CRPPA: variants seen among roughly 807,000 people sequenced by gnomAD.
The protein encoded by CRPPA is CDP-L-ribitol pyrophosphorylase A.
In CRPPA, 43 loss-of-function variants were observed where a neutral mutation model predicts 52.0. That is an observed-to-expected ratio of 0.83 (90% CI 0.65 to 1.07). The LOEUF (loss-of-function observed/expected upper bound fraction) is 1.07, where lower values mean the gene tolerates loss of function less well. CRPPA is among the 50% of genes least tolerant of loss of function. The pLI is 0.00. For synonymous variants in CRPPA, 250 were observed against 203.5 expected (o/e 1.23, Z -1.94); for missense variants, 629 against 551.7 (o/e 1.14, Z -1.40).
At chr7:16,281,607 C>G (rs1784321755) in intron 5 of CRPPA, among the ~76,000 whole-genome samples, 1 of 152,150 alleles carries the variant, frequency 6.6e-6, no homozygotes, top group African/African-American at 2.4e-5. Flanking sequence ...AGTAATTATA[C>G]TATTCGCACA....
intron 9 of CRPPA, among the ~76,000 whole-genome samples, chr7:16,191,528 C>T (rs376942738): frequency 6.6e-6 from 1 of 152,068 alleles, no homozygotes; most frequent in African/African-American, 2.4e-5. Context: ...AGAATTGCCT[C>T]GGCACTGTGT....
Position 16,133,303 on chromosome 7 carries a change from T to C in CRPPA, c.1252-41504A>G, listed in dbSNP as rs1381100388. The stretch of plus-strand genomic sequence containing the variant: ...CTGCACTCAACCCTGGGTGACAGAG[T>C]GAGCATCTGTCTCAAAAAAAAAAAA... On this transcript the variant is annotated intron_variant, in intron 9 of 9. Transcript: ENST00000407010. Among the ~76,000 whole-genome samples the C allele has an allele frequency of 7.6e-5, 9 of 119,054 alleles. 1 individual carries two copies. Among genetic ancestry groups the C allele is most frequent in the African/African-American group, 2.4e-4 (9 of 37,028 alleles). 78.1% of individuals were successfully genotyped at this position (119,054 alleles called of 152,430 possible). A position where few individuals can be genotyped will look rare whatever the true frequency, so the allele number is the denominator to read the frequency against.
intron 9 of CRPPA, among the ~76,000 whole-genome samples, chr7:16,151,402 G>A (rs1408372292): frequency 6.6e-6 from 1 of 151,950 alleles, no homozygotes; most frequent in Non-Finnish European, 1.5e-5. Flanking sequence ...GGAAATGTAG[G>A]TTGTGATGAT....
intron 5 of CRPPA, among the ~76,000 whole-genome samples, chr7:16,296,209 T>C (rs200343806): frequency 6.6e-6 from 1 of 152,070 alleles, no homozygotes; most frequent in African/African-American, 2.4e-5. Context: ...AAACATAAGA[T>C]AAAAATCAGA....
intron 9 of CRPPA, among the ~76,000 whole-genome samples, chr7:16,092,547 T>A (rs1433010162): frequency 6.6e-6 from 1 of 152,160 alleles, no homozygotes; most frequent in Non-Finnish European, 1.5e-5. Flanking sequence ...TCCATATACA[T>A]TGAGATAAGG....
At chr7:16,273,830 G>T (rs1784145147) in intron 6 of CRPPA, among the ~76,000 whole-genome samples, 1 of 152,170 alleles carries the variant, frequency 6.6e-6, no homozygotes, top group African/African-American at 2.4e-5. Context: ...CCATGGAGCT[G>T]CATGAAGTTC....
At chr7:16,377,324 A>C (rs1213728187) in intron 2 of CRPPA, among the ~76,000 whole-genome samples, 3 of 152,212 alleles carry the variant, frequency 2.0e-5, no homozygotes, top group African/African-American at 7.2e-5. Flanking sequence ...GGGTAGGTCA[A>C]CTGGTCAAGC....
At chr7:16,188,384 A>G (rs1483018534) in intron 9 of CRPPA, among the ~76,000 whole-genome samples, 2 of 152,216 alleles carry the variant, frequency 1.3e-5, no homozygotes, top group Non-Finnish European at 1.5e-5. Flanking sequence ...ACATAGTTCA[A>G]TGATAAAGAT....
chr7:16,090,733 T>TA lies in CRPPA; in HGVS notation c.*961dup, dbSNP rs2128360824. 6.6e-6 allele frequency: 1 copy of TA among 151,720 alleles called. No individual in the cohort carries two copies. Among genetic ancestry groups the TA allele is most frequent in the Admixed American group, 6.6e-5 (1 of 15,204 alleles). The allele number at this position is 151,720 out of a possible 1,614,324, so 9.4% of individuals were successfully genotyped here. On this transcript the variant is annotated 3_prime_UTR_variant, in exon 10 of 10. Coordinates refer to ENST00000407010, the MANE Select transcript of CRPPA (RefSeq NM_001101426.4). Reference sequence around the variant, plus strand: ...GACTGCATTTCAAAACAATAAAAAATAAAATAAATAGAGTAAGTGTATGTA... The same window carrying TA: ...GACTGCATTTCAAAACAATAAAAAATAAAAATAAATAGAGTAAGTGTATGTA...
chr7:16,298,989 A>G (rs57026722), intron 5 of CRPPA, among the ~76,000 whole-genome samples: 15,154 of 152,178 alleles, frequency 0.1, 902 homozygotes, highest in East Asian at 0.25. Context: ...CCTCCAGCTT[A>G]CAGCTGGCAG....
At chr7:16,198,139 G>A (rs1449113539) in intron 9 of CRPPA, among the ~76,000 whole-genome samples, 1 of 58,356 alleles carries the variant, frequency 1.7e-5, no homozygotes, top group Non-Finnish European at 3.3e-5. Context: ...CCCGACACCC[G>A]TAAAGGGTCT....
chr7:16,146,429 A>G (rs1782975914), intron 9 of CRPPA, among the ~76,000 whole-genome samples: 1 of 152,198 alleles, frequency 6.6e-6, no homozygotes, highest in Non-Finnish European at 1.5e-5. Context: ...ATAAAAACAA[A>G]TGAAAGTATA....
At chr7:16,093,078 C>T (rs144092765) in intron 9 of CRPPA, among the ~76,000 whole-genome samples, 113 of 152,292 alleles carry the variant, frequency 7.4e-4, no homozygotes, top group African/African-American at 2.6e-3. Flanking sequence ...TATGTTTCCA[C>T]AGCTGTGAAT....
intron 9 of CRPPA, chr7:16,209,090 G>C (rs1782047399): frequency 2.7e-6 from 1 of 373,854 alleles, no homozygotes; most frequent in Non-Finnish European, 5.3e-6. Flanking sequence ...GGTGGCTCTG[G>C]TGGGCAGACT....
At chr7:16,130,349 G>A (rs1370037709) in intron 9 of CRPPA, among the ~76,000 whole-genome samples, 1 of 152,196 alleles carries the variant, frequency 6.6e-6, no homozygotes, top group Non-Finnish European at 1.5e-5. Flanking sequence ...GCCACGTCAA[G>A]CTACAAGGCT....
chr7:16,297,046 T>C (rs1784688649), intron 5 of CRPPA, among the ~76,000 whole-genome samples: 1 of 152,206 alleles, frequency 6.6e-6, no homozygotes, highest in Non-Finnish European at 1.5e-5. Flanking sequence ...GCATCTGCTT[T>C]AGCAGGCAGC....
chr7:16,314,036 G>C (rs890523471), intron 3 of CRPPA, among the ~76,000 whole-genome samples: 2 of 151,906 alleles, frequency 1.3e-5, no homozygotes, highest in African/African-American at 4.8e-5. Flanking sequence ...AGTGTTACTG[G>C]GGTCAAGTAT....
intron 9 of CRPPA, among the ~76,000 whole-genome samples, chr7:16,145,961 T>G (rs73681743): frequency 0.012 from 1,898 of 152,164 alleles, 44 homozygotes; most frequent in African/African-American, 0.044. Context: ...CATCCAGCTC[T>G]TCAATGTAAA....
At chr7:16,396,079 T>G (rs563663766) in intron 2 of CRPPA, among the ~76,000 whole-genome samples, 1 of 152,292 alleles carries the variant, frequency 6.6e-6, no homozygotes, top group African/African-American at 2.4e-5. Flanking sequence ...CAAGTAAAAT[T>G]TCTTTAGATC....
Sources: allele counts gnomAD v4.1 joint callset (sites outside exome capture counted in the v4.1 genomes callset), GRCh38; gene constraint gnomAD v4.1.1; transcripts MANE v1.5; gene names NCBI Gene and HGNC (gene_info 2026-07-23, HGNC 2026-07-21).